DNAH17: variants seen among roughly 807,000 people sequenced by gnomAD.
The protein encoded by DNAH17 is dynein axonemal heavy chain 17.
Under a neutral mutation model 485.6 loss-of-function variants are expected in DNAH17, and 376 were observed. The ratio of observed to expected loss-of-function variants is 0.77; its 90% confidence interval spans 0.71 to 0.84. The LOEUF (loss-of-function observed/expected upper bound fraction) is 0.84, where lower values mean the gene tolerates loss of function less well. Among genes scored for constraint, DNAH17 ranks in the 40% least tolerant of loss-of-function variants. The pLI is 0.00. For synonymous variants in DNAH17, 3,031 were observed against 2,405.9 expected (o/e 1.26, Z -7.60); for missense variants, 6,370 against 5,839.3 (o/e 1.09, Z -2.96).
intron 42 of DNAH17, 124 bp downstream of exon 42, chr17:78,492,509 A>C: frequency 7.3e-7 from 1 of 1,367,892 alleles, no homozygotes; most frequent in African/African-American, 1.4e-5. Context: ...ATTGCAGGCC[A>C]CGTGCCTGTG....
intron 38 of DNAH17, among the ~76,000 whole-genome samples, chr17:78,495,492 C>T (rs556471265): frequency 6.7e-6 from 1 of 148,356 alleles, no homozygotes; most frequent in South Asian, 2.1e-4. Flanking sequence ...GGCTGGAGTG[C>T]AATGGTGCCA....
At chr17:78,478,853 T>TAC (rs924331694) in intron 51 of DNAH17, 172 bp downstream of exon 51, 3 of 604,924 alleles carry the variant, frequency 5.0e-6, no homozygotes, top group Non-Finnish European at 8.8e-6. Context: ...CCACCATCAC[T>TAC]ACCACTGTCA....
In DNAH17 at chr17:78,478,485, CTATCACCATCAT is replaced by C. The variant is rs575905028; in HGVS notation, c.7992+528_7992+539del. Among the ~76,000 whole-genome samples the C allele has an allele frequency of 2.4e-3, 348 of 146,254 alleles. 2 individuals are homozygous for C. The highest frequency in any genetic ancestry group is 8.4e-3 in the African/African-American group (329 of 39,116). ...ACTATTGCCATCATCACCACCATCA[CTATCACCATCAT>C]TATCACCACCATCACCCTCACCACC... On this transcript the variant is annotated intron_variant, in intron 51 of 80. Transcript: ENST00000389840.
intron 55 of DNAH17, among the ~76,000 whole-genome samples, chr17:78,467,409 C>A (rs192575355): frequency 6.6e-6 from 1 of 152,226 alleles, no homozygotes; most frequent in Non-Finnish European, 1.5e-5. Flanking sequence ...TGACTTTGCA[C>A]CCCTCACTGC....
At chr17:78,434,742 A>C (rs937284729) in intron 74 of DNAH17, among the ~76,000 whole-genome samples, 27 of 152,114 alleles carry the variant, frequency 1.8e-4, no homozygotes, top group African/African-American at 6.5e-4. Flanking sequence ...CTGAGCCTAA[A>C]TTGTGACTCC....
chr17:78,573,543 G>T (rs909330932), intron 2 of DNAH17, among the ~76,000 whole-genome samples: 1 of 150,410 alleles, frequency 6.6e-6, no homozygotes, highest in African/African-American at 2.5e-5. Context: ...AGGTTGCAGT[G>T]AGCTGAGATC....
At chr17:78,469,945 G>C (rs2146571119) in intron 54 of DNAH17, among the ~76,000 whole-genome samples, 1 of 152,270 alleles carries the variant, frequency 6.6e-6, no homozygotes, top group African/African-American at 2.4e-5. Context: ...GTTTAATGGA[G>C]ACAGAGCTTC....
intron 62 of DNAH17, 199 bp downstream of exon 62, chr17:78,458,366 G>A (rs149358749): frequency 2.4e-4 from 141 of 593,036 alleles, no homozygotes; most frequent in African/African-American, 2.2e-3. Flanking sequence ...GGAACCACGC[G>A]ACAGGGCATA....
Position 78,485,591 on chromosome 17 carries a change from G to A in DNAH17, c.7442C>T (p.Ala2481Val), listed in dbSNP as rs570015329. Residue 2481 changes from alanine (A) to valine (V), a missense_variant, in exon 47 of 81, where the codon GCT becomes GTT. Ala to Val is a moderately conservative substitution (Grantham distance 64). Transcript: ENST00000389840. Reference sequence around the variant, plus strand: ...GGTCGTGTAGAAGTTGAAGGGCACAGCCTGCACCAGGTAGTTGTCCGTGTT... The same window carrying A: ...GGTCGTGTAGAAGTTGAAGGGCACAACCTGCACCAGGTAGTTGTCCGTGTT... ...SLNTDNYLVQAVPFNFYTTSA... is the reference protein window; with the variant it reads ...SLNTDNYLVQVVPFNFYTTSA... 3 of 1,613,722 alleles carry A rather than the reference G, an allele frequency of 1.9e-6. No individual in the cohort carries two copies. The highest frequency in any genetic ancestry group is 2.2e-5 in the South Asian group (2 of 90,994).
intron 75 of DNAH17, among the ~76,000 whole-genome samples, chr17:78,432,203 TA>T (rs1457890949): frequency 1.4e-4 from 19 of 134,944 alleles, no homozygotes; most frequent in African/African-American, 4.5e-4. Flanking sequence ...AATAAATAAA[TA>T]AAATAAATAA....
intron 49 of DNAH17, 150 bp from the exon 50 acceptor site, chr17:78,479,782 G>A (rs528829290): frequency 1.9e-6 from 2 of 1,046,438 alleles, no homozygotes; most frequent in East Asian, 5.1e-5. Context: ...CTTGTGCCTT[G>A]CATGTGGTAA....
chr17:78,432,570 G>A (rs2086713522), intron 75 of DNAH17, among the ~76,000 whole-genome samples: 1 of 152,224 alleles, frequency 6.6e-6, no homozygotes, highest in Admixed American at 6.5e-5. Flanking sequence ...GCGATCCTGG[G>A]AGGTCGTTGT....
chr17:78,437,554 G>T (rs193296074), intron 74 of DNAH17, 87 bp downstream of exon 74: 2 of 976,268 alleles, frequency 2.0e-6, no homozygotes, highest in South Asian at 1.6e-5. Flanking sequence ...AGTTCAGAGC[G>T]GTCCTCAGTG....
At position 78,494,653 on chromosome 17, in the gene DNAH17, C is replaced by T. The variant is rs1304500201; in HGVS notation, c.6210G>A (p.Leu2070=). 5.0e-6 allele frequency: 8 copies of T among 1,613,888 alleles called. No homozygotes were observed. Among genetic ancestry groups the T allele is most frequent in the Admixed American group, 3.3e-5 (2 of 60,010 alleles). ...CCAGAGCCGGGAAGAGGTCCCCGAT[C>T]AGTCCCATGAATACGGGCAGGTCGT... ...VTDDLPVFMG[L]IGDLFPALDV... is the part of the protein sequence containing the mutation. The change falls in exon 40 of 81, where the codon CTG becomes CTA. Residue 2070 remains leucine, a synonymous_variant. Coordinates refer to ENST00000389840, the MANE Select transcript of DNAH17 (RefSeq NM_173628.4).
intron 56 of DNAH17, among the ~76,000 whole-genome samples, chr17:78,463,992 G>A (rs1157126292): frequency 6.6e-6 from 1 of 152,180 alleles, no homozygotes; most frequent in Non-Finnish European, 1.5e-5. Flanking sequence ...CCTGGGAGTG[G>A]CCAGTCTCAT....
rs191533878 is a variant in DNAH17, at chr17:78,564,385, A to G, written c.1569+2229T>C. ...TACTTAATTTTTCAGATTTTTCCACATCGGAACAGCAGCAGGGAGTCACAG... is the reference window on the plus strand; with the variant it reads ...TACTTAATTTTTCAGATTTTTCCACGTCGGAACAGCAGCAGGGAGTCACAG... On this transcript the variant is annotated intron_variant, in intron 11 of 80. Coordinates refer to ENST00000389840, the MANE Select transcript of DNAH17 (RefSeq NM_173628.4). 8.0e-3 allele frequency among the ~76,000 whole-genome samples: 1,220 copies of G among 152,138 alleles called. 9 individuals are homozygous for G. Among genetic ancestry groups the G allele is most frequent in the Non-Finnish European group, 0.011 (748 of 67,990 alleles).
At chr17:78,475,193 G>C in intron 54 of DNAH17, 85 bp downstream of exon 54, 1 of 1,451,872 alleles carries the variant, frequency 6.9e-7, no homozygotes, top group Non-Finnish European at 9.5e-7. Flanking sequence ...GTACTCGCTG[G>C]CTTCATTTTG....
At chr17:78,542,580 C>T (rs2091625947) in intron 17 of DNAH17, among the ~76,000 whole-genome samples, 1 of 152,098 alleles carries the variant, frequency 6.6e-6, no homozygotes, top group East Asian at 1.9e-4. Context: ...TATGAAAACC[C>T]CTACAATACA....
At chr17:78,528,783 C>T (rs953268383) in intron 22 of DNAH17, among the ~76,000 whole-genome samples, 14 of 152,236 alleles carry the variant, frequency 9.2e-5, no homozygotes, top group African/African-American at 3.1e-4. Context: ...TTTGAATTCG[C>T]TATCAAGTGC....
Sources: gnomAD v4.1 joint callset for allele counts (sites outside exome capture counted in the v4.1 genomes callset) on GRCh38, gnomAD v4.1.1 for gene constraint, MANE v1.5 for transcripts, NCBI Gene and HGNC (gene_info 2026-07-23, HGNC 2026-07-21) for gene names.